AACS: variants seen among roughly 807,000 people sequenced by gnomAD.
AACS encodes the protein acetoacetyl-CoA synthetase.
In AACS, 69 loss-of-function variants were observed where a neutral mutation model predicts 83.1. That is an observed-to-expected ratio of 0.83 (90% CI 0.68 to 1.01). AACS has a LOEUF of 1.01. AACS is among the 50% of genes least tolerant of loss of function. The pLI, the probability that AACS is intolerant of heterozygous loss-of-function variation, is 0.00. For missense variants in AACS, 866 were observed against 882.2 expected (o/e 0.98, Z 0.23); for synonymous variants, 333 against 343.4 (o/e 0.97, Z 0.33).
At chr12:125,081,968 T>A (rs998537607) in intron 3 of AACS, among the ~76,000 whole-genome samples, 1 of 151,764 alleles carries the variant, frequency 6.6e-6, no homozygotes, top group Non-Finnish European at 1.5e-5. Flanking sequence ...CTCCGCCTCC[T>A]GGCTTCAAGA....
intron 7 of AACS, among the ~76,000 whole-genome samples, chr12:125,103,892 G>C (rs1956773179): frequency 6.8e-6 from 1 of 146,556 alleles, no homozygotes; most frequent in African/African-American, 2.5e-5. Context: ...GGAGGCTGAG[G>C]CAGGAGAATG....
In AACS at chr12:125,097,947, T is replaced by C. The variant is rs1956645561; in HGVS notation, c.571-4732T>C. On this transcript the variant is annotated intron_variant, in intron 5 of 17. Transcript: ENST00000316519. The surrounding 1 kb of genome is among the most constrained non-coding windows in gnomAD (Gnocchi z 4.3). Reference sequence around the variant, plus strand: ...TTCCTCTGTGACCCCGGCTAGGCACTGCCATCTCTCACGCGTGCCGTCGTA... The same window carrying C: ...TTCCTCTGTGACCCCGGCTAGGCACCGCCATCTCTCACGCGTGCCGTCGTA... 6.6e-6 allele frequency among the ~76,000 whole-genome samples: 1 copy of C among 152,256 alleles called. No homozygotes were observed. Among genetic ancestry groups the C allele is most frequent in the Non-Finnish European group, 1.5e-5 (1 of 68,042 alleles).
At position 125,103,086 on chromosome 12, in the gene AACS, T is replaced by G; in HGVS notation, c.767+5T>G. On this transcript the variant is annotated splice_donor_5th_base_variant and intron_variant, in intron 7 of 17. Transcript: ENST00000316519. ...CCTTTCAAAGATTCCAAACAGGTAA[T>G]GTACCGCATTCTGACCCACAGGTCC... The G allele has an allele frequency of 1.2e-6, 2 of 1,613,068 alleles. No individual in the cohort carries two copies. The highest frequency in any genetic ancestry group is 1.7e-6 in the Non-Finnish European group (2 of 1,179,620).
At chr12:125,098,439 G>A (rs974940151) in intron 5 of AACS, among the ~76,000 whole-genome samples, 20 of 149,280 alleles carry the variant, frequency 1.3e-4, no homozygotes, top group Admixed American at 6.7e-4. Context: ...CTTTTGTTCT[G>A]TTTTTCTCAT....
chr12:125,134,945 T>G, intron 16 of AACS, 93 bp downstream of exon 16: 14 of 1,418,412 alleles, frequency 9.9e-6, no homozygotes, highest in Non-Finnish European at 1.3e-5. Flanking sequence ...GGCACAACTC[T>G]GGCCCCTTGT....
intron 7 of AACS, chr12:125,105,894 A>T (rs1272644710): frequency 6.6e-6 from 1 of 152,178 alleles, no homozygotes; most frequent in Admixed American, 6.5e-5. Flanking sequence ...TGGGATTCTT[A>T]TAGGAGGTAG....
chr12:125,141,461 T>G (rs1375257459), intron 17 of AACS: 1 of 151,788 alleles, frequency 6.6e-6, no homozygotes, highest in African/African-American at 2.4e-5. Flanking sequence ...CCAAGATGGG[T>G]GGATCATGAG....
intron 12 of AACS, 78 bp from the exon 13 acceptor site, chr12:125,128,083 C>CT: frequency 9.3e-7 from 1 of 1,072,838 alleles, no homozygotes; most frequent in Non-Finnish European, 1.4e-6. Flanking sequence ...TTGGCACCTT[C>CT]TCCTTTGTTG....
intron 1 of AACS, among the ~76,000 whole-genome samples, chr12:125,071,311 C>T (rs1955856418): frequency 6.6e-6 from 1 of 152,168 alleles, no homozygotes; most frequent in Non-Finnish European, 1.5e-5. Context: ...CTGTTGGTGA[C>T]ACAGATCAGC....
chr12:125,078,102 A>G (rs1426149690), intron 3 of AACS: 2 of 456,098 alleles, frequency 4.4e-6, no homozygotes. Context: ...CTAGATCAGC[A>G]CAAGAAACCA....
chr12:125,107,508 G>A (rs1246037169), intron 8 of AACS, among the ~76,000 whole-genome samples: 1 of 152,256 alleles, frequency 6.6e-6, no homozygotes, highest in Admixed American at 6.5e-5. Context: ...AGGCTTGGAG[G>A]TCACTGTACA....
At chr12:125,109,235 G>T (rs533827035) in intron 8 of AACS, among the ~76,000 whole-genome samples, 2 of 152,100 alleles carry the variant, frequency 1.3e-5, no homozygotes, top group African/African-American at 2.4e-5. Context: ...GGGCCCAAGC[G>T]ATCCTCCCAC....
intron 3 of AACS, 84 bp downstream of exon 3, chr12:125,076,695 T>A: frequency 6.4e-7 from 1 of 1,562,590 alleles, no homozygotes; most frequent in Non-Finnish European, 8.7e-7. Context: ...TTTGGAGAGA[T>A]AGGATTTCTA....
At chr12:125,125,801 C>A (rs537360535) in intron 12 of AACS, 1 of 126,458 alleles carries the variant, frequency 7.9e-6, no homozygotes, top group East Asian at 2.7e-4. Context: ...TGATGGACAT[C>A]GAAACATGGC....
In AACS at chr12:125,102,810, G is replaced by A; in HGVS notation, c.685+17G>A. 6.2e-7 allele frequency: 1 copy of A among 1,610,484 alleles called. No individual in the cohort carries two copies. The highest frequency in any genetic ancestry group is 8.5e-7 in the Non-Finnish European group (1 of 1,176,806). ...TGGTTAAAGGTGTGTGGCCCTTCCG[G>A]CTCCCAGCCGGCATGGCTGGGTGTG... On this transcript the variant is annotated intron_variant, in intron 6 of 17. Coordinates refer to ENST00000316519, the MANE Select transcript of AACS (RefSeq NM_023928.5).
intron 5 of AACS, chr12:125,101,285 G>C (rs944437791): frequency 6.6e-6 from 1 of 152,246 alleles, no homozygotes; most frequent in Admixed American, 6.5e-5. Context: ...TGAGTTCCAA[G>C]AACAAGCCCA....
rs544918517 is a variant in AACS at position 125,097,793 on chromosome 12, C to T, written c.571-4886C>T. On this transcript the variant is annotated intron_variant, in intron 5 of 17. Transcript: ENST00000316519. The surrounding 1 kb of genome is among the most constrained non-coding windows in gnomAD (Gnocchi z 4.3). ...GGGAGCCCCATCTCAGTAACCCCCG[C>T]CACTACAACCCTGCCAAACCAGGAG... Among the ~76,000 whole-genome samples, 1 of 152,336 alleles carries T rather than the reference C, an allele frequency of 6.6e-6. No homozygotes were observed. Among genetic ancestry groups the T allele is most frequent in the East Asian group, 1.9e-4 (1 of 5,180 alleles).
Position 125,065,626 on chromosome 12 carries a change from G to A in AACS, c.42G>A (p.Glu14=). The A allele has an allele frequency of 1.3e-6, 2 of 1,543,490 alleles. No individual in the cohort carries two copies. The highest frequency in any genetic ancestry group is 1.7e-6 in the Non-Finnish European group (2 of 1,143,624). Residue 14 remains glutamate (E), a synonymous_variant, in exon 1 of 18, where the codon GAG becomes GAA. Coordinates refer to ENST00000316519, the MANE Select transcript of AACS (RefSeq NM_023928.5). ...EERPGREEIL[E]CQVMWEPDSK... is the part of the protein sequence containing the mutation. ...GCCCCGGTCGGGAGGAGATCCTGGAGTGCCAGGTGATGTGGGAGCCTGACA... is the reference window on the plus strand; with the variant it reads ...GCCCCGGTCGGGAGGAGATCCTGGAATGCCAGGTGATGTGGGAGCCTGACA...
intron 8 of AACS, among the ~76,000 whole-genome samples, chr12:125,110,349 G>C (rs967456845): frequency 1.3e-5 from 2 of 152,210 alleles, no homozygotes; most frequent in Admixed American, 1.3e-4. Context: ...GGGATTACAG[G>C]CCTGAGCCGT....
Sources: allele counts gnomAD v4.1 joint callset (sites outside exome capture counted in the v4.1 genomes callset), GRCh38; gene constraint gnomAD v4.1.1; non-coding constraint Gnocchi (gnomAD v3.1); transcripts MANE v1.5; gene names NCBI Gene and HGNC (gene_info 2026-07-23, HGNC 2026-07-21).